The following IL15 variants were observed in gnomAD, a reference collection of about 807,000 sequenced individuals.
IL15 encodes the protein interleukin 15, also known as interleukin-15.
In IL15, 11 loss-of-function variants were observed where a neutral mutation model predicts 19.6. That is an observed-to-expected ratio of 0.56 (90% CI 0.35 to 0.93). The LOEUF (loss-of-function observed/expected upper bound fraction) is 0.93, where lower values mean the gene tolerates loss of function less well. Among genes scored for constraint, IL15 ranks in the 40% least tolerant of loss-of-function variants. The pLI, the probability that IL15 is intolerant of heterozygous loss-of-function variation, is 0.01. For missense variants in IL15, 197 were observed against 186.5 expected (o/e 1.06, Z -0.33); for synonymous variants, 58 against 59.6 (o/e 0.97, Z 0.12).
chr4:141,698,219 T>A (rs796671175), intron 2 of IL15, among the ~76,000 whole-genome samples: 5 of 152,290 alleles, frequency 3.3e-5, no homozygotes, highest in African/African-American at 1.2e-4. Flanking sequence ...CTTTTTGATA[T>A]GCTGTTCAAT....
At chr4:141,728,765 T>C (rs1730352369) in intron 6 of IL15, among the ~76,000 whole-genome samples, 1 of 152,238 alleles carries the variant, frequency 6.6e-6, no homozygotes, top group East Asian at 1.9e-4. Context: ...AATTGGGTCA[T>C]GCTGCTGCAC....
intron 2 of IL15, among the ~76,000 whole-genome samples, chr4:141,707,049 T>A (rs1181622717): frequency 1.3e-5 from 2 of 152,190 alleles, no homozygotes; most frequent in East Asian, 3.8e-4. Context: ...TGTGAATATT[T>A]GTTTGCCTAA....
intron 7 of IL15, 54 bp from the exon 8 acceptor site, chr4:141,732,684 G>A: frequency 3.1e-6 from 5 of 1,589,532 alleles, no homozygotes; most frequent in South Asian, 1.2e-5. Flanking sequence ...TCCCATGAAT[G>A]TATATTTAAT....
intron 2 of IL15, chr4:141,718,312 A>G (rs1021427330): frequency 6.6e-6 from 1 of 152,178 alleles, no homozygotes; most frequent in Admixed American, 6.5e-5. Context: ...GGATACCACA[A>G]CTAAAAGGGA....
chr4:141,676,259 C>T (rs1256570888), intron 2 of IL15, among the ~76,000 whole-genome samples: 1 of 152,112 alleles, frequency 6.6e-6, no homozygotes, highest in Non-Finnish European at 1.5e-5. Context: ...ATCTAAGAGC[C>T]TTGAAGGGAA....
At chr4:141,651,857 T>C (rs1217664963) in intron 1 of IL15, among the ~76,000 whole-genome samples, 1 of 152,096 alleles carries the variant, frequency 6.6e-6, no homozygotes, top group Non-Finnish European at 1.5e-5. Context: ...CACTTCTACC[T>C]TCTGTACCCC....
chr4:141,644,954 T>G (rs1727177770), intron 1 of IL15, among the ~76,000 whole-genome samples: 1 of 152,158 alleles, frequency 6.6e-6, no homozygotes, highest in Admixed American at 6.5e-5. Flanking sequence ...CTTAACTTCA[T>G]CTTTTGCACT....
At chr4:141,700,385 G>A (rs912687492) in intron 2 of IL15, among the ~76,000 whole-genome samples, 7 of 152,082 alleles carry the variant, frequency 4.6e-5, no homozygotes, top group African/African-American at 1.7e-4. Context: ...ATGAAGCTTA[G>A]TTTTGCTGGA....
chr4:141,701,574 A>C (rs1247638880), intron 2 of IL15, among the ~76,000 whole-genome samples: 1 of 152,022 alleles, frequency 6.6e-6, no homozygotes, highest in Non-Finnish European at 1.5e-5. Context: ...CCAGTATTTT[A>C]TTTACTGAGT....
At chr4:141,644,888 A>T (rs1352859283) in intron 1 of IL15, among the ~76,000 whole-genome samples, 1 of 152,182 alleles carries the variant, frequency 6.6e-6, no homozygotes, top group Non-Finnish European at 1.5e-5. Context: ...TCTGGAAGCA[A>T]TACATGTTCC....
At chr4:141,658,116 C>T (rs1727668839) in intron 2 of IL15, among the ~76,000 whole-genome samples, 1 of 152,028 alleles carries the variant, frequency 6.6e-6, no homozygotes. Context: ...GCAAACTTCC[C>T]CCTTGCTGTT....
chr4:141,675,848 G>A (rs575204292), intron 2 of IL15, among the ~76,000 whole-genome samples: 4 of 152,224 alleles, frequency 2.6e-5, no homozygotes, highest in South Asian at 2.1e-4. Flanking sequence ...ATCTCATATC[G>A]AAAATGTAGC....
At chr4:141,665,342 G>A (rs938025583) in intron 2 of IL15, among the ~76,000 whole-genome samples, 2 of 151,920 alleles carry the variant, frequency 1.3e-5, no homozygotes, top group Non-Finnish European at 2.9e-5. Context: ...ACTTCAAACT[G>A]CCCTCTTTTT....
At chr4:141,679,618 T>G (rs1402682647) in intron 2 of IL15, among the ~76,000 whole-genome samples, 1 of 152,226 alleles carries the variant, frequency 6.6e-6, no homozygotes, top group Non-Finnish European at 1.5e-5. Flanking sequence ...TGATTGTGCT[T>G]ACTTTAAATG....
intron 2 of IL15, among the ~76,000 whole-genome samples, chr4:141,664,342 AACAC>A (rs35153516): frequency 0.18 from 23,695 of 130,850 alleles, 2,309 homozygotes; most frequent in Middle Eastern, 0.28. Context: ...TGGTGGGCAA[AACAC>A]ACACACACAC....
At chr4:141,700,072 C>T (rs182578033) in intron 2 of IL15, among the ~76,000 whole-genome samples, 3 of 152,186 alleles carry the variant, frequency 2.0e-5, no homozygotes, top group Admixed American at 1.3e-4. Flanking sequence ...GCACCCACCA[C>T]CATGCCTGGC....
At position 141,656,201 on chromosome 4, in the gene IL15, A is replaced by G; in HGVS notation, c.-206A>G. On this transcript the variant is annotated 5_prime_UTR_variant, in exon 2 of 8. In the 5' UTR this introduces an upstream ATG that the reference lacks. Coordinates refer to ENST00000320650, the MANE Select transcript of IL15 (RefSeq NM_000585.5). The stretch of plus-strand genomic sequence containing the variant: ...ACTCTTACAGAATCCATTCCAATAT[A>G]TGGCCATGTGGCTCTTTGGAGCAAT... 1 of 398,410 alleles carries G rather than the reference A, an allele frequency of 2.5e-6. No homozygotes were observed. The highest frequency in any genetic ancestry group is 3.6e-5 in the East Asian group (1 of 28,046). 24.7% of individuals were successfully genotyped at this position (398,410 alleles called of 1,614,324 possible).
chr4:141,703,506 C>T (rs1183532234), intron 2 of IL15, among the ~76,000 whole-genome samples: 1 of 152,086 alleles, frequency 6.6e-6, no homozygotes, highest in African/African-American at 2.4e-5. Context: ...AAATTTGTTC[C>T]AGCTCTTGGT....
intron 2 of IL15, among the ~76,000 whole-genome samples, chr4:141,696,988 C>A (rs910140189): frequency 6.6e-6 from 1 of 151,906 alleles, no homozygotes; most frequent in African/African-American, 2.4e-5. Flanking sequence ...GATTATTTCT[C>A]TTGCTGTGCA....
Sources: gnomAD v4.1 joint callset for allele counts (sites outside exome capture counted in the v4.1 genomes callset) on GRCh38, gnomAD v4.1.1 for gene constraint, MANE v1.5 for transcripts, NCBI Gene and HGNC (gene_info 2026-07-23, HGNC 2026-07-21) for gene names.